The following RBFOX3 variants were observed in gnomAD, a reference collection of about 807,000 sequenced individuals.
RBFOX3 encodes RNA binding protein fox-1 homolog 3.
A neutral mutation model predicts 48.7 loss-of-function variants in RBFOX3; 17 were observed. The observed-to-expected ratio is 0.35, with a 90% CI of 0.24 to 0.52. RBFOX3 has a LOEUF of 0.52. Ranked by LOEUF, RBFOX3 falls within the 20% of genes least tolerant of loss-of-function variation. The pLI is 0.94. For synonymous variants in RBFOX3, 212 were observed against 209.5 expected (o/e 1.01, Z -0.10); for missense variants, 382 against 497.5 (o/e 0.77, Z 2.21).
intron 14 of RBFOX3, chr17:79,092,582 G>A (rs2074149647): frequency 1.0e-6 from 1 of 987,678 alleles, no homozygotes; most frequent in South Asian, 4.7e-5. Context: ...ATGCTGTTAG[G>A]GGCTGGGTCT....
chr17:79,421,384 C>A lies in RBFOX3; in HGVS notation c.-175+61070G>T, dbSNP rs1202113288. Among the ~76,000 whole-genome samples, 2 of 152,146 alleles carry A rather than the reference C, an allele frequency of 1.3e-5. No individual in the cohort carries two copies. The highest frequency in any genetic ancestry group is 4.8e-5 in the African/African-American group (2 of 41,432). ...GTGGGGCTGCTTGAAGTGGATGGCC[C>A]CCTCAATGTGGAAGGAGGCTGGGCC... is the stretch of plus-strand genomic sequence containing the variant. On this transcript the variant is annotated intron_variant, in intron 2 of 14. Transcript: ENST00000693108. This position sits in a 1 kb window ranked among gnomAD's most constrained non-coding sequence, Gnocchi z 4.5.
At chr17:79,262,587 A>G (rs2065966825) in intron 3 of RBFOX3, among the ~76,000 whole-genome samples, 1 of 152,180 alleles carries the variant, frequency 6.6e-6, no homozygotes. Flanking sequence ...TCCAGTCTCA[A>G]GAGGTGGAGG....
chr17:79,507,236 A>T (rs1026190009), intron 1 of RBFOX3, among the ~76,000 whole-genome samples: 7 of 152,132 alleles, frequency 4.6e-5, no homozygotes, highest in Non-Finnish European at 8.8e-5. Context: ...CCCATCAGAC[A>T]CAACCGCCAG....
chr17:79,307,019 G>A (rs1289020246), intron 3 of RBFOX3, among the ~76,000 whole-genome samples: 1 of 152,264 alleles, frequency 6.6e-6, no homozygotes, highest in Non-Finnish European at 1.5e-5. Context: ...TCGGAGCAAG[G>A]AGGGAAACTC....
chr17:79,381,089 G>A (rs533250166), intron 2 of RBFOX3, among the ~76,000 whole-genome samples: 5 of 152,192 alleles, frequency 3.3e-5, no homozygotes, highest in South Asian at 2.1e-4. Context: ...GTGAAACCCC[G>A]TTTCTACTGA....
At chr17:79,437,934 A>C (rs61038870) in intron 2 of RBFOX3, among the ~76,000 whole-genome samples, 52,615 of 126,688 alleles carry the variant, frequency 0.42, 9,275 homozygotes, top group Middle Eastern at 0.46. Flanking sequence ...ACACGCATTC[A>C]CACACAGATA....
chr17:79,485,144 G>C (rs1384654358), intron 1 of RBFOX3, among the ~76,000 whole-genome samples: 1 of 152,180 alleles, frequency 6.6e-6, no homozygotes, highest in Non-Finnish European at 1.5e-5. Flanking sequence ...AGCCTGGGGA[G>C]AGGCGGGCTG....
chr17:79,129,183 ACGAATG>A lies in RBFOX3; in HGVS notation c.-33-13441_-33-13436del, dbSNP rs556067806. ...AGTGACGGACGGTGGCTGAAGGCTT[ACGAATG>A]CCCAGCACTGGGTGAAGCACTGAAA... is the stretch of plus-strand genomic sequence containing the variant. On this transcript the variant is annotated intron_variant, in intron 4 of 14. Transcript: ENST00000693108. Among the ~76,000 whole-genome samples the A allele has an allele frequency of 6.4e-3, 969 of 152,212 alleles. 12 individuals are homozygous for A. The highest frequency in any genetic ancestry group is 6.0e-3 in the Non-Finnish European group (410 of 67,990).
intron 2 of RBFOX3, among the ~76,000 whole-genome samples, chr17:79,340,053 C>A (rs528258391): frequency 2.0e-5 from 3 of 152,288 alleles, no homozygotes; most frequent in African/African-American, 4.8e-5. Context: ...AATCCCAGCA[C>A]TTTGGGAGGC....
chr17:79,127,677 ATCGTGTGCTGGGG>A (rs2037670372), intron 4 of RBFOX3, among the ~76,000 whole-genome samples: 1 of 152,130 alleles, frequency 6.6e-6, no homozygotes, highest in South Asian at 2.1e-4. Context: ...CTGATGTCAC[ATCGTGTGCTGGGG>A]TCGGGTCTGG....
intron 1 of RBFOX3, among the ~76,000 whole-genome samples, chr17:79,553,573 C>T (rs2091347015): frequency 6.6e-6 from 1 of 152,148 alleles, no homozygotes; most frequent in African/African-American, 2.4e-5. Flanking sequence ...TGTTCAAATT[C>T]CCCTGTGGAA....
chr17:79,297,408 G>A (rs923259737), intron 3 of RBFOX3, among the ~76,000 whole-genome samples: 1 of 152,232 alleles, frequency 6.6e-6, no homozygotes, highest in South Asian at 2.1e-4. Context: ...CCAGCCCCAA[G>A]GGTAACTAGT....
At position 79,460,755 on chromosome 17, in the gene RBFOX3, T is replaced by C. The variant is rs371269717; in HGVS notation, c.-175+21699A>G. ...TTATAAAAGTGAGTTCAGCTCCCTCTTGCTCATGCTCTTTTGCCCTTCCAC... is the reference window on the plus strand; with the variant it reads ...TTATAAAAGTGAGTTCAGCTCCCTCCTGCTCATGCTCTTTTGCCCTTCCAC... On this transcript the variant is annotated intron_variant, in intron 2 of 14. Transcript: ENST00000693108. Among the ~76,000 whole-genome samples the C allele has an allele frequency of 4.5e-4, 68 of 152,328 alleles. 1 individual carries two copies. In the South Asian group the frequency reaches 0.014, roughly 31 times the overall value.
chr17:79,407,889 A>G (rs552722065), intron 2 of RBFOX3, among the ~76,000 whole-genome samples: 2 of 152,322 alleles, frequency 1.3e-5, no homozygotes, highest in South Asian at 2.1e-4. Context: ...CCTTTGCACT[A>G]TATAAAGACC....
chr17:79,295,069 C>T (rs558734287), intron 3 of RBFOX3, among the ~76,000 whole-genome samples: 5 of 152,100 alleles, frequency 3.3e-5, no homozygotes, highest in Non-Finnish European at 5.9e-5. Flanking sequence ...CCTTTCCTAA[C>T]GCTCTCGGCC....
intron 2 of RBFOX3, among the ~76,000 whole-genome samples, chr17:79,355,675 G>C (rs1191067688): frequency 1.3e-5 from 2 of 152,000 alleles, no homozygotes; most frequent in Non-Finnish European, 2.9e-5. Context: ...CCACCTCCCA[G>C]GTTCAAGCAA....
chr17:79,653,854 G>A, the RBFOX3 span, among the ~76,000 whole-genome samples: 1 of 141,846 alleles, frequency 7.0e-6, no homozygotes, highest in Non-Finnish European at 1.5e-5. Flanking sequence ...GCCAGCCTAG[G>A]CAACATAGCA....
chr17:79,310,257 T>C (rs904399016), intron 2 of RBFOX3, among the ~76,000 whole-genome samples: 1 of 152,156 alleles, frequency 6.6e-6, no homozygotes, highest in Non-Finnish European at 1.5e-5. Context: ...CCTTGAAGCT[T>C]CCCTGAAGGC....
At chr17:79,609,442 C>T (rs1056441242) in intron 1 of RBFOX3, among the ~76,000 whole-genome samples, 3 of 152,208 alleles carry the variant, frequency 2.0e-5, no homozygotes, top group Admixed American at 6.5e-5. Flanking sequence ...AGGGATGGAT[C>T]CCTTGGGTCT....
Sources: gnomAD v4.1 joint callset for allele counts (sites outside exome capture counted in the v4.1 genomes callset) on GRCh38, gnomAD v4.1.1 for gene constraint, Gnocchi (gnomAD v3.1) non-coding constraint, MANE v1.5 for transcripts, NCBI Gene and HGNC (gene_info 2026-07-23, HGNC 2026-07-21) for gene names.